The following SANBR variants were observed in gnomAD, a reference collection of about 807,000 sequenced individuals.
SANBR encodes the protein SANT and BTB domain regulator of class switch recombination.
A neutral mutation model predicts 101.8 loss-of-function variants in SANBR; 77 were observed. The ratio of observed to expected loss-of-function variants is 0.76; its 90% confidence interval spans 0.63 to 0.91. SANBR has a LOEUF of 0.91. Among genes scored for constraint, SANBR ranks in the 40% least tolerant of loss-of-function variants. The pLI is 0.00. For missense variants in SANBR, 875 were observed against 853.0 expected, an observed-to-expected ratio of 1.03 and a Z score of -0.32; for synonymous variants, 279 against 274.7, an observed-to-expected ratio of 1.02 and a Z score of -0.15.
At chr2:61,120,854 T>A (rs1684301600) in intron 20 of SANBR, among the ~76,000 whole-genome samples, 1 of 152,196 alleles carries the variant, frequency 6.6e-6, no homozygotes, top group Non-Finnish European at 1.5e-5. Context: ...AATGCAAAAC[T>A]ATGGGGATAG....
chr2:61,114,453 A>T (rs777338040), intron 16 of SANBR, among the ~76,000 whole-genome samples: 1 of 152,284 alleles, frequency 6.6e-6, no homozygotes, highest in South Asian at 2.1e-4. Flanking sequence ...TTCCTATGTT[A>T]ATTACCCTTG....
intron 6 of SANBR, among the ~76,000 whole-genome samples, chr2:61,080,413 C>G (rs988084200): frequency 2.6e-5 from 4 of 152,056 alleles, no homozygotes; most frequent in African/African-American, 9.7e-5. Context: ...GCTTTTTCCT[C>G]CCTTCACCAT....
chr2:61,095,005 C>A (rs188523179), intron 11 of SANBR, among the ~76,000 whole-genome samples: 1 of 152,242 alleles, frequency 6.6e-6, no homozygotes, highest in African/African-American at 2.4e-5. Context: ...TTAACACTTG[C>A]CATGCCTAAT....
chr2:61,137,118 CA>C (rs933122231), intron 21 of SANBR, among the ~76,000 whole-genome samples: 7 of 146,792 alleles, frequency 4.8e-5, no homozygotes, highest in Admixed American at 1.4e-4. Flanking sequence ...TCCATTTCTA[CA>C]AAAAAAAAAT....
In SANBR at chr2:61,070,357, C is replaced by A; in HGVS notation, c.7C>A (p.Arg3Ser). MS[R>S]GYSENNNFLN... ...CTATCCCTAGTTCCAAAAGATGAGT[C>A]GTGGATATTCAGAAAACAACAATTT... Residue 3 changes from arginine (R) to serine (S), a missense_variant, in exon 3 of 22, where the codon CGT becomes AGT. Transcript: ENST00000402291. 2 of 1,576,434 alleles carry A rather than the reference C, an allele frequency of 1.3e-6. No homozygotes were observed. The highest frequency in any genetic ancestry group is 1.7e-6 in the Non-Finnish European group (2 of 1,166,180).
At chr2:61,077,975 A>C (rs1310863902) in intron 6 of SANBR, among the ~76,000 whole-genome samples, 1 of 152,260 alleles carries the variant, frequency 6.6e-6, no homozygotes, top group African/African-American at 2.4e-5. Flanking sequence ...AGTGAGAATT[A>C]CAGTTTTGGA....
chr2:61,109,520 T>C (rs989549370), intron 16 of SANBR, among the ~76,000 whole-genome samples: 2 of 152,118 alleles, frequency 1.3e-5, no homozygotes, highest in Non-Finnish European at 2.9e-5. Context: ...CTCTCCAGGT[T>C]TTCACTTCAG....
chr2:61,109,681 G>C (rs1177260), intron 16 of SANBR, among the ~76,000 whole-genome samples: 8 of 124,802 alleles, frequency 6.4e-5, no homozygotes, highest in African/African-American at 2.6e-4. Flanking sequence ...TTTTGTGTTT[G>C]TTTTTTTTTT....
chr2:61,088,465 T>G lies in SANBR; in HGVS notation c.1085T>G (p.Ile362Arg). The G allele has an allele frequency of 6.3e-7, 1 of 1,589,144 alleles. No homozygotes were observed. The highest frequency in any genetic ancestry group is 8.6e-7 in the Non-Finnish European group (1 of 1,162,980). Residue 362 changes from isoleucine (I) to arginine (R), a missense_variant, in exon 10 of 22, where the codon ATA (isoleucine) becomes AGA (arginine). Transcript: ENST00000402291. ...DRRGNIVYIH[I>R]RDKTWDVHEY... ...CGTGGAAATATTGTCTATATTCACA[T>G]AAGGTGTCGTGAAGATAAAATACAT...
At chr2:61,117,419 A>C (rs750978244) in intron 18 of SANBR, 34 bp downstream of exon 18, 8 of 1,612,638 alleles carry the variant, frequency 5.0e-6, no homozygotes, top group Non-Finnish European at 6.8e-6. Context: ...TCGGATATCC[A>C]CTCTTAAAGA....
In SANBR at chr2:61,097,823, C is replaced by A. The variant is rs1046523690; in HGVS notation, c.1336C>A (p.Leu446Ile). ...TTATCCCTGCTGTAACCAAAAGGTTCTTCGGTTTGATCCTACTCAGCTTAC... is the reference window on the plus strand; with the variant it reads ...TTATCCCTGCTGTAACCAAAAGGTTATTCGGTTTGATCCTACTCAGCTTAC... ...GIYPCCNQKV[L>I]RFDPTQLTKG... Residue 446 changes from leucine to isoleucine, a missense_variant, in exon 12 of 22, where the codon CTT (leucine) becomes ATT (isoleucine). By Grantham distance (5) the Leu-to-Ile change is conservative. Transcript: ENST00000402291. 6.2e-7 allele frequency: 1 copy of A among 1,613,282 alleles called. No homozygotes were observed. The highest frequency in any genetic ancestry group is 8.5e-7 in the Non-Finnish European group (1 of 1,179,540).
In SANBR at chr2:61,122,224, C is replaced by T; in HGVS notation, c.*62C>T. On this transcript the variant is annotated 3_prime_UTR_variant, in exon 22 of 22. Coordinates refer to ENST00000402291, the MANE Select transcript of SANBR (RefSeq NM_001129993.3). ...TCTTCTGGACATCTGAAATTGCTCA[C>T]TTCTTGAAGATCTTCAGAACAATGA... is the stretch of plus-strand genomic sequence containing the variant. 6.7e-7 allele frequency: 1 copy of T among 1,499,790 alleles called. No homozygotes were observed. The highest frequency in any genetic ancestry group is 2.3e-5 in the Admixed American group (1 of 42,884). The allele number at this position is 1,499,790 out of a possible 1,614,324, so 92.9% of individuals were successfully genotyped here.
At position 61,108,373 on chromosome 2, in the gene SANBR, A is replaced by G. The variant is rs757213351; in HGVS notation, c.1644+24A>G. 1.0e-5 allele frequency: 15 copies of G among 1,488,484 alleles called. No individual in the cohort carries two copies. In the South Asian group the frequency reaches 1.3e-4, roughly 13 times the overall value. 92.2% of individuals were successfully genotyped at this position (1,488,484 alleles called of 1,614,324 possible). A position where few individuals can be genotyped will look rare whatever the true frequency, so the allele number is the denominator to read the frequency against. On this transcript the variant is annotated intron_variant, in intron 15 of 21. Transcript: ENST00000402291. ...TGGTAAGTGAGCAATTACAGTTAGC[A>G]TTCATGGATCTCTTTCTTCCTAAAT...
At chr2:61,070,159 A>G (rs891400904) in intron 2 of SANBR, among the ~76,000 whole-genome samples, 183 bp from the exon 3 acceptor site, 1 of 152,238 alleles carries the variant, frequency 6.6e-6, no homozygotes, top group South Asian at 2.1e-4. Flanking sequence ...TTATCAATGC[A>G]TAATATTCAA....
In SANBR at chr2:61,070,361, G is replaced by A; in HGVS notation, c.11G>A (p.Gly4Glu). 6.3e-7 allele frequency: 1 copy of A among 1,580,694 alleles called. No individual in the cohort carries two copies. Among genetic ancestry groups the A allele is most frequent in the Non-Finnish European group, 8.6e-7 (1 of 1,168,074 alleles). The change falls in exon 3 of 22, where the codon GGA (glycine) becomes GAA (glutamate). Residue 4 changes from glycine to glutamate, a missense_variant. Transcript: ENST00000402291. MSR[G>E]YSENNNFLNN... ...CCCTAGTTCCAAAAGATGAGTCGTG[G>A]ATATTCAGAAAACAACAATTTCCTG...
chr2:61,069,928 C>T (rs575127959), intron 2 of SANBR, among the ~76,000 whole-genome samples: 1 of 152,228 alleles, frequency 6.6e-6, no homozygotes, highest in Non-Finnish European at 1.5e-5. Flanking sequence ...TAGTATACGT[C>T]TTGTGTGGAA....
In SANBR at chr2:61,106,488, G is replaced by C. The variant is rs1032458531; in HGVS notation, c.1512-75G>C. The C allele has an allele frequency of 2.1e-5, 18 of 864,988 alleles. No homozygotes were observed. The East Asian group carries it at 6.4e-4, about 31-fold the overall frequency. 53.6% of individuals were successfully genotyped at this position (864,988 alleles called of 1,614,324 possible). ...CTAAAAAGCGATTTTTGAAACATTT[G>C]TAATAAAAAGATATTCACATTTAAA... is the stretch of plus-strand genomic sequence containing the variant. On this transcript the variant is annotated intron_variant, in intron 13 of 21. Coordinates refer to ENST00000402291, the MANE Select transcript of SANBR (RefSeq NM_001129993.3).
downstream of SANBR, among the ~76,000 whole-genome samples, chr2:61,126,373 A>T (rs1484781236): frequency 6.6e-6 from 1 of 152,178 alleles, no homozygotes. Context: ...CAAATGCCTC[A>T]TAAGTAATTC....
chr2:61,088,578 G>A, intron 10 of SANBR, 110 bp downstream of exon 10: 1 of 688,956 alleles, frequency 1.5e-6, no homozygotes, highest in Non-Finnish European at 2.2e-6. Flanking sequence ...GGCGTGCAGT[G>A]GTGTGGTCTT....
Sources: allele counts gnomAD v4.1 joint callset (sites outside exome capture counted in the v4.1 genomes callset), GRCh38; gene constraint gnomAD v4.1.1; transcripts MANE v1.5; gene names NCBI Gene and HGNC (gene_info 2026-07-23, HGNC 2026-07-21).